Variants in PRKG1 observed in about 807,000 individuals in gnomAD.
PRKG1 encodes the protein protein kinase cGMP-dependent 1.
A neutral mutation model predicts 88.1 loss-of-function variants in PRKG1; 35 were observed. The ratio of observed to expected loss-of-function variants is 0.40; its 90% confidence interval spans 0.30 to 0.53. The LOEUF (loss-of-function observed/expected upper bound fraction) is 0.53, where lower values mean the gene tolerates loss of function less well. Among genes scored for constraint, PRKG1 ranks in the 20% least tolerant of loss-of-function variants. The pLI is 0.59. For missense variants in PRKG1, 540 were observed against 839.8 expected (o/e 0.64, Z 4.41); for synonymous variants, 303 against 292.5 (o/e 1.04, Z -0.37).
intron 4 of PRKG1, among the ~76,000 whole-genome samples, chr10:51,825,437 A>G (rs1839859776): frequency 6.6e-6 from 1 of 152,198 alleles, no homozygotes; most frequent in Non-Finnish European, 1.5e-5. Flanking sequence ...TAGGTGTTCC[A>G]AATGGACAGA....
At chr10:51,803,243 A>G (rs983037086) in intron 3 of PRKG1, among the ~76,000 whole-genome samples, 4 of 152,092 alleles carry the variant, frequency 2.6e-5, no homozygotes, top group Non-Finnish European at 4.4e-5. Context: ...TGTCATTTGT[A>G]AAAAAACATT....
intron 2 of PRKG1, among the ~76,000 whole-genome samples, chr10:51,323,595 G>T (rs964501924): frequency 1.4e-4 from 21 of 152,162 alleles, no homozygotes; most frequent in Non-Finnish European, 2.8e-4. Flanking sequence ...ATAATAATAA[G>T]AATTAAAATC....
Position 51,103,085 on chromosome 10 carries a change from A to G in PRKG1, c.311+28184A>G, listed in dbSNP as rs922255769. Reference sequence around the variant, plus strand: ...GTGAAAAACTCAATTAAGATATGGAATTGAGAAAATCTTCTAGAACATTGA... The same window carrying G: ...GTGAAAAACTCAATTAAGATATGGAGTTGAGAAAATCTTCTAGAACATTGA... On this transcript the variant is annotated intron_variant, in intron 1 of 17. Transcript: ENST00000373980. Among the ~76,000 whole-genome samples, 14 of 152,078 alleles carry G rather than the reference A, an allele frequency of 9.2e-5. 1 individual carries two copies. The highest frequency in any genetic ancestry group is 8.5e-4 in the Admixed American group (13 of 15,244).
At chr10:51,175,344 TAC>T (rs945396335) in intron 2 of PRKG1, among the ~76,000 whole-genome samples, 1 of 151,912 alleles carries the variant, frequency 6.6e-6, no homozygotes, top group African/African-American at 2.4e-5. Context: ...TACACACACA[TAC>T]ACACACATTA....
At chr10:51,974,806 GTC>G (rs1253485860) in intron 5 of PRKG1, among the ~76,000 whole-genome samples, 3 of 151,970 alleles carry the variant, frequency 2.0e-5, no homozygotes, top group Non-Finnish European at 4.4e-5. Context: ...CTTTTTAATA[GTC>G]TCTCTGATGT....
intron 17 of PRKG1, among the ~76,000 whole-genome samples, chr10:52,292,021 G>C (rs927106139): frequency 1.3e-5 from 2 of 152,142 alleles, no homozygotes; most frequent in East Asian, 1.9e-4. Context: ...GTGATGATGA[G>C]TATTTTTTCA....
intron 9 of PRKG1, among the ~76,000 whole-genome samples, chr10:52,174,667 G>A (rs1302185478): frequency 1.3e-5 from 2 of 151,764 alleles, no homozygotes; most frequent in African/African-American, 4.8e-5. Flanking sequence ...TCATTCATAA[G>A]CCACACTAGG....
intron 3 of PRKG1, among the ~76,000 whole-genome samples, chr10:51,694,291 G>A (rs990732383): frequency 2.0e-5 from 3 of 152,140 alleles, no homozygotes; most frequent in Non-Finnish European, 4.4e-5. Flanking sequence ...TATGTTCTGT[G>A]TGCTTAGCTA....
intron 3 of PRKG1, among the ~76,000 whole-genome samples, chr10:51,615,950 C>A (rs952649022): frequency 3.9e-5 from 6 of 152,068 alleles, no homozygotes; most frequent in African/African-American, 1.4e-4. Context: ...CACTTCCTCC[C>A]ATTTTTAAAA....
At chr10:51,776,832 A>T (rs1838451996) in intron 3 of PRKG1, among the ~76,000 whole-genome samples, 1 of 152,158 alleles carries the variant, frequency 6.6e-6, no homozygotes, top group Admixed American at 6.5e-5. Context: ...CTCAAAAACA[A>T]AACAAAACAA....
At chr10:51,219,617 C>T (rs943681753) in intron 2 of PRKG1, among the ~76,000 whole-genome samples, 1 of 151,246 alleles carries the variant, frequency 6.6e-6, no homozygotes, top group East Asian at 2.0e-4. Flanking sequence ...GGCTGAGACA[C>T]GAGAATCACT....
rs1198659675 is a variant in PRKG1 at position 52,297,048 on chromosome 10, G to T, written c.*3148G>T. The T allele has an allele frequency of 6.6e-6, 1 of 152,064 alleles. No homozygotes were observed. The highest frequency in any genetic ancestry group is 1.5e-5 in the Non-Finnish European group (1 of 67,996). The allele number at this position is 152,064 out of a possible 1,614,324, so 9.4% of individuals were successfully genotyped here. On this transcript the variant is annotated 3_prime_UTR_variant, in exon 18 of 18. Transcript: ENST00000373980. ...TACCATGTTGAAAATAAGGATATTAGAACTGATTTCATACAATAGAGGTGA... is the reference window on the plus strand; with the variant it reads ...TACCATGTTGAAAATAAGGATATTATAACTGATTTCATACAATAGAGGTGA...
At chr10:51,491,960 T>C (rs914792591) in intron 3 of PRKG1, among the ~76,000 whole-genome samples, 4 of 152,154 alleles carry the variant, frequency 2.6e-5, no homozygotes, top group Non-Finnish European at 5.9e-5. Context: ...GTGAAAGCGA[T>C]GGTTTTCTTG....
At chr10:51,160,988 G>A (rs1846345971) in intron 2 of PRKG1, among the ~76,000 whole-genome samples, 1 of 151,928 alleles carries the variant, frequency 6.6e-6, no homozygotes, top group Admixed American at 6.6e-5. Flanking sequence ...ATTGATAATC[G>A]AAAGAGTAAT....
intron 7 of PRKG1, among the ~76,000 whole-genome samples, chr10:52,123,075 T>C (rs1400274143): frequency 6.6e-6 from 1 of 152,232 alleles, no homozygotes; most frequent in Non-Finnish European, 1.5e-5. Context: ...ACAATTTTAT[T>C]TGGCTCAGTC....
chr10:51,641,012 T>C (rs1402554342), intron 3 of PRKG1, among the ~76,000 whole-genome samples: 1 of 152,026 alleles, frequency 6.6e-6, no homozygotes, highest in Non-Finnish European at 1.5e-5. Flanking sequence ...CCATTAGTGG[T>C]CAAAGTGTAG....
At chr10:51,547,959 T>C (rs1381172694) in intron 3 of PRKG1, among the ~76,000 whole-genome samples, 1 of 152,128 alleles carries the variant, frequency 6.6e-6, no homozygotes, top group East Asian at 1.9e-4. Flanking sequence ...GCTTAATTCA[T>C]TTTTTTAAGC....
intron 8 of PRKG1, among the ~76,000 whole-genome samples, chr10:52,146,535 A>G (rs1197213700): frequency 3.3e-5 from 5 of 152,198 alleles, no homozygotes; most frequent in African/African-American, 1.2e-4. Context: ...TCACATAGCC[A>G]AACTGTCAGG....
At chr10:51,205,313 G>A (rs150491004) in intron 2 of PRKG1, among the ~76,000 whole-genome samples, 6 of 148,394 alleles carry the variant, frequency 4.0e-5, no homozygotes, top group Admixed American at 1.3e-4. Context: ...TAATTTTTCC[G>A]TTTTTGTGAG....
Sources: gnomAD v4.1 joint callset for allele counts (sites outside exome capture counted in the v4.1 genomes callset) on GRCh38, gnomAD v4.1.1 for gene constraint, MANE v1.5 for transcripts, NCBI Gene and HGNC (gene_info 2026-07-23, HGNC 2026-07-21) for gene names.